The following TNR variants were observed in gnomAD, a reference collection of about 807,000 sequenced individuals.
The protein encoded by TNR is tenascin-R.
In TNR, 45 loss-of-function variants were observed where a neutral mutation model predicts 150.4. The ratio of observed to expected loss-of-function variants is 0.30; its 90% CI spans 0.24 to 0.38. The LOEUF (loss-of-function observed/expected upper bound fraction) is 0.38. Among genes scored for constraint, TNR ranks in the 10% least tolerant of loss-of-function variants. TNR has a pLI of 1.00. For missense variants in TNR, 1,544 were observed against 1,759.1 expected (o/e 0.88, Z 2.19); for synonymous variants, 687 against 678.4 (o/e 1.01, Z -0.20).
At chr1:175,587,697 C>T (rs1429605260) in intron 1 of TNR, among the ~76,000 whole-genome samples, 2 of 152,054 alleles carry the variant, frequency 1.3e-5, no homozygotes, top group Admixed American at 6.5e-5. Context: ...TAGACCCTAC[C>T]CCAATAATTT....
At chr1:175,557,050 T>C (rs1208668924) in intron 1 of TNR, among the ~76,000 whole-genome samples, 1 of 152,110 alleles carries the variant, frequency 6.6e-6, no homozygotes, top group Non-Finnish European at 1.5e-5. Context: ...GCTGAGGATG[T>C]CTCCCCACTG....
At chr1:175,594,781 G>A (rs1662941208) in intron 1 of TNR, among the ~76,000 whole-genome samples, 1 of 150,790 alleles carries the variant, frequency 6.6e-6, no homozygotes, top group Admixed American at 6.6e-5. Context: ...CTTGAGCCCA[G>A]AAGGCAGGAG....
intron 9 of TNR, among the ~76,000 whole-genome samples, chr1:175,372,429 A>G (rs1371995091): frequency 6.6e-6 from 1 of 152,252 alleles, no homozygotes; most frequent in Non-Finnish European, 1.5e-5. Context: ...CAGAGAAGGC[A>G]TTTGAGTTGG....
At chr1:175,386,354 G>A in intron 7 of TNR, 53 bp from the exon 8 acceptor site, 1 of 1,484,834 alleles carries the variant, frequency 6.7e-7, no homozygotes. Flanking sequence ...AATAAGCCTT[G>A]GGTGTCAGCT....
intron 1 of TNR, among the ~76,000 whole-genome samples, chr1:175,654,866 C>T (rs941778366): frequency 6.6e-6 from 1 of 151,846 alleles, no homozygotes; most frequent in African/African-American, 2.4e-5. Flanking sequence ...CTACAGGCAC[C>T]CGCCACCACA....
intron 1 of TNR, among the ~76,000 whole-genome samples, chr1:175,593,401 C>A (rs1376592364): frequency 8.0e-6 from 1 of 124,762 alleles, no homozygotes; most frequent in Non-Finnish European, 1.8e-5. Context: ...CAATCGGAAC[C>A]AACCCAAGCC....
chr1:175,443,362 G>A (rs937614392), intron 2 of TNR, among the ~76,000 whole-genome samples: 1 of 152,152 alleles, frequency 6.6e-6, no homozygotes, highest in Middle Eastern at 3.2e-3. Flanking sequence ...ACAGCAGGAC[G>A]ATCGAGGCGT....
chr1:175,575,292 C>A (rs574736409), intron 1 of TNR, among the ~76,000 whole-genome samples: 1 of 152,318 alleles, frequency 6.6e-6, no homozygotes, highest in Non-Finnish European at 1.5e-5. Context: ...AATAAACTTA[C>A]ATTGTTTTAA....
chr1:175,494,715 G>T (rs946698333), intron 2 of TNR, among the ~76,000 whole-genome samples: 1 of 152,214 alleles, frequency 6.6e-6, no homozygotes, highest in African/African-American at 2.4e-5. Flanking sequence ...TTTGCTCTCT[G>T]TTGTTAACAG....
intron 1 of TNR, among the ~76,000 whole-genome samples, chr1:175,682,894 T>G (rs1666080319): frequency 6.6e-6 from 1 of 152,162 alleles, no homozygotes; most frequent in African/African-American, 2.4e-5. Context: ...GCCTAAGATC[T>G]TACTCCTGCA....
At chr1:175,593,594 C>T (rs1442298243) in intron 1 of TNR, among the ~76,000 whole-genome samples, 2 of 152,146 alleles carry the variant, frequency 1.3e-5, no homozygotes, top group Admixed American at 6.5e-5. Context: ...GATAGGCTCT[C>T]GATTCCCTCA....
intron 1 of TNR, among the ~76,000 whole-genome samples, chr1:175,578,422 A>G (rs780665930): frequency 6.6e-6 from 1 of 152,196 alleles, no homozygotes; most frequent in Non-Finnish European, 1.5e-5. Context: ...TATCAACAGG[A>G]TAGATGCTGT....
At chr1:175,382,037 ACCTTTT>A (rs1652705193) in intron 8 of TNR, among the ~76,000 whole-genome samples, 1 of 152,174 alleles carries the variant, frequency 6.6e-6, no homozygotes, top group Non-Finnish European at 1.5e-5. Flanking sequence ...TTAAAACGTT[ACCTTTT>A]CAGAGAGGCC....
Position 175,472,238 on chromosome 1 carries a change from C to T in TNR, c.-64+56031G>A, listed in dbSNP as rs140562518. On this transcript the variant is annotated intron_variant, in intron 2 of 22. Coordinates refer to ENST00000367674, the MANE Select transcript of TNR (RefSeq NM_003285.3). ...TGTCTTCCACCTGGACGTCTTGTCT[C>T]GCTGGAAGGTCTTCAGGAGCAATAA... 1.6e-4 allele frequency among the ~76,000 whole-genome samples: 25 copies of T among 152,260 alleles called. No individual in the cohort carries two copies. In the East Asian group the frequency reaches 4.2e-3, roughly 26 times the overall value.
Position 175,365,969 on chromosome 1 carries a change from T to C in TNR, c.2223A>G (p.Leu741=). ...TVPKDRTSYT[L]TDLEPGAEYI... ...ACTCTGCCCCAGGCTCTAGATCTGT[T>C]AGTGTGTATGAGGTCCTGTCCTTGG... is the stretch of plus-strand genomic sequence containing the variant. Residue 741 remains leucine, a synonymous_variant, in exon 11 of 23, where the codon CTA becomes CTG. Coordinates refer to ENST00000367674, the MANE Select transcript of TNR (RefSeq NM_003285.3). The C allele has an allele frequency of 6.2e-7, 1 of 1,614,102 alleles. No homozygotes were observed. Among genetic ancestry groups the C allele is most frequent in the African/African-American group, 1.3e-5 (1 of 75,014 alleles).
At chr1:175,452,059 GA>G (rs1656350480) in intron 2 of TNR, among the ~76,000 whole-genome samples, 1 of 152,198 alleles carries the variant, frequency 6.6e-6, no homozygotes, top group African/African-American at 2.4e-5. Flanking sequence ...GCAGCCAAAA[GA>G]GAGGAAGCAG....
At chr1:175,475,626 G>C (rs1657516477) in intron 2 of TNR, among the ~76,000 whole-genome samples, 1 of 152,354 alleles carries the variant, frequency 6.6e-6, no homozygotes, top group East Asian at 1.9e-4. Flanking sequence ...GCTGGACCCT[G>C]TATCCTGAAA....
intron 2 of TNR, among the ~76,000 whole-genome samples, chr1:175,527,106 G>A (rs1334581843): frequency 7.2e-5 from 11 of 152,210 alleles, no homozygotes; most frequent in African/African-American, 1.9e-4. Context: ...TTGCTTTCGC[G>A]ACAGGCAACC....
At chr1:175,439,125 TA>T (rs1655658745) in intron 2 of TNR, among the ~76,000 whole-genome samples, 1 of 152,200 alleles carries the variant, frequency 6.6e-6, no homozygotes, top group African/African-American at 2.4e-5. Context: ...CGTCAAACTA[TA>T]CTACAAGGCT....
Sources: allele counts gnomAD v4.1 joint callset (sites outside exome capture counted in the v4.1 genomes callset), GRCh38; gene constraint gnomAD v4.1.1; transcripts MANE v1.5; gene names NCBI Gene and HGNC (gene_info 2026-07-23, HGNC 2026-07-21).